The following CRX variants were observed in gnomAD, a reference collection of about 807,000 sequenced individuals.
The protein encoded by CRX is cone-rod homeobox protein.
In CRX, 5 loss-of-function variants were observed where a neutral mutation model predicts 13.1. The observed-to-expected ratio is 0.38, with a 90% CI of 0.20 to 0.80. The LOEUF (loss-of-function observed/expected upper bound fraction) is 0.80, where lower values mean the gene tolerates loss of function less well. Among genes scored for constraint, CRX ranks in the 30% least tolerant of loss-of-function variants. The probability of loss-of-function intolerance (pLI) is 0.43; values close to 1 mark genes in which losing one functional copy is unlikely to be tolerated. For missense variants in CRX, 351 were observed against 391.8 expected (o/e 0.90, Z 0.88); for synonymous variants, 179 against 171.1 (o/e 1.05, Z -0.36).
At chr19:47,824,572 C>A (rs935783692) in intron 1 of CRX, among the ~76,000 whole-genome samples, 1 of 152,118 alleles carries the variant, frequency 6.6e-6, no homozygotes, top group Admixed American at 6.6e-5. Context: ...GAAGCTGGGG[C>A]CCCCTGGAGG....
At chr19:47,835,083 C>T (rs567610049) in intron 2 of CRX, among the ~76,000 whole-genome samples, 68 of 152,262 alleles carry the variant, frequency 4.5e-4, no homozygotes, top group African/African-American at 1.5e-3. Context: ...CAGCCTCGAA[C>T]TCCTGGGCTC....
intron 1 of CRX, among the ~76,000 whole-genome samples, chr19:47,828,187 A>G (rs1216251920): frequency 6.6e-6 from 1 of 151,722 alleles, no homozygotes. Context: ...CTTGTTTGTT[A>G]TTGGTTTCTC....
chr19:47,823,598 G>A (rs1967938266), intron 1 of CRX, among the ~76,000 whole-genome samples: 1 of 152,030 alleles, frequency 6.6e-6, no homozygotes, highest in Admixed American at 6.6e-5. Context: ...CCTGAATGTG[G>A]CTGAGCTGGG....
intron 2 of CRX, 29 bp downstream of exon 2, chr19:47,834,572 C>G: frequency 6.3e-7 from 1 of 1,589,080 alleles, no homozygotes. Context: ...CTTGGCACCC[C>G]AGGCTGGCCT....
At position 47,834,435 on chromosome 19, in the gene CRX, C is replaced by T; in HGVS notation, c.-9C>T. The T allele has an allele frequency of 3.1e-6, 5 of 1,611,980 alleles. No individual in the cohort carries two copies. The South Asian group carries it at 5.5e-5, about 18-fold the overall frequency. On this transcript the variant is annotated 5_prime_UTR_variant, in exon 2 of 4. Transcript: ENST00000221996. Reference sequence around the variant, plus strand: ...CCCCCTGACTTGGGCCTCAGTGTCCCCGAAGATCATGATGGCGTATATGAA... The same window carrying T: ...CCCCCTGACTTGGGCCTCAGTGTCCTCGAAGATCATGATGGCGTATATGAA...
At chr19:47,828,727 G>T (rs1339922672) in intron 1 of CRX, among the ~76,000 whole-genome samples, 3 of 151,610 alleles carry the variant, frequency 2.0e-5, no homozygotes, top group Non-Finnish European at 4.4e-5. Context: ...GGGCTTTGGG[G>T]TGGGGGAGAG....
intron 2 of CRX, 56 bp downstream of exon 2, chr19:47,834,599 T>C: frequency 7.0e-7 from 1 of 1,436,368 alleles, no homozygotes; most frequent in Non-Finnish European, 9.7e-7. Context: ...TTGGAGGACC[T>C]CTGGGGTCCC....
At chr19:47,837,465 C>G (rs1968131313) in intron 3 of CRX, among the ~76,000 whole-genome samples, 3 of 152,096 alleles carry the variant, frequency 2.0e-5, no homozygotes, top group Admixed American at 1.3e-4. Flanking sequence ...CCGCGCCCGG[C>G]CGGATGGGTG....
At position 47,839,673 on chromosome 19, in the gene CRX, C is replaced by T. The variant is rs764877352; in HGVS notation, c.606C>T (p.Cys202=). 46 of 1,613,680 alleles carry T rather than the reference C, an allele frequency of 2.9e-5. No individual in the cohort carries two copies. The highest frequency in any genetic ancestry group is 3.6e-5 in the Non-Finnish European group (42 of 1,180,004). ...AMTYAPASAF[C]SSPSAYGSPS... Reference sequence around the variant, plus strand: ...CCTACGCCCCGGCCTCCGCTTTCTGCTCTTCCCCCTCCGCCTATGGGTCTC... The same window carrying T: ...CCTACGCCCCGGCCTCCGCTTTCTGTTCTTCCCCCTCCGCCTATGGGTCTC... The change falls in exon 4 of 4, where the codon TGC becomes TGT. Residue 202 remains cysteine, a synonymous_variant. Transcript: ENST00000221996. This position sits in a 1 kb window ranked among gnomAD's most constrained non-coding sequence, Gnocchi z 4.6.
Position 47,839,217 on chromosome 19 carries a change from C to T in CRX, c.253-103C>T. 1 of 1,282,434 alleles carries T rather than the reference C, an allele frequency of 7.8e-7. No individual in the cohort carries two copies. The allele number at this position is 1,282,434 out of a possible 1,614,324, so 79.4% of individuals were successfully genotyped here. A position where few individuals can be genotyped will look rare whatever the true frequency, so the allele number is the denominator to read the frequency against. On this transcript the variant is annotated intron_variant, in intron 3 of 3. Coordinates refer to ENST00000221996, the MANE Select transcript of CRX (RefSeq NM_000554.6). The surrounding 1 kb of genome is among the most constrained non-coding windows in gnomAD (Gnocchi z 4.6). ...TGGATGCAAAGTAGACAGATGTGAA[C>T]CCAGCACCTCTCACCAATAAGTGTC...
chr19:47,829,754 TG>T (rs1170520436), intron 1 of CRX, among the ~76,000 whole-genome samples: 6 of 151,520 alleles, frequency 4.0e-5, no homozygotes, highest in African/African-American at 1.5e-4. Flanking sequence ...CTCAGCCTCC[TG>T]AGTAGCTGAG....
chr19:47,823,929 C>T (rs1967943246), intron 1 of CRX, among the ~76,000 whole-genome samples: 1 of 152,148 alleles, frequency 6.6e-6, no homozygotes, highest in African/African-American at 2.4e-5. Context: ...GGATTACAGG[C>T]GTGAGCCACC....
At chr19:47,829,962 G>C (rs1263526040) in intron 1 of CRX, among the ~76,000 whole-genome samples, 1 of 151,004 alleles carries the variant, frequency 6.6e-6, no homozygotes, top group Non-Finnish European at 1.5e-5. Flanking sequence ...AATCACAAAT[G>C]GTTGCGAGGT....
chr19:47,833,700 AAC>A (rs1259784959), intron 1 of CRX, among the ~76,000 whole-genome samples: 1 of 152,162 alleles, frequency 6.6e-6, no homozygotes, highest in African/African-American at 2.4e-5. Flanking sequence ...CCTCTCCTCC[AAC>A]CTGGGCAAAG....
chr19:47,823,620 A>C (rs2123728352), intron 1 of CRX, among the ~76,000 whole-genome samples: 1 of 149,792 alleles, frequency 6.7e-6, no homozygotes, highest in South Asian at 2.1e-4. Flanking sequence ...GGGTCTTGCC[A>C]AGGGCTGGCA....
chr19:47,834,282 AG>A (rs1968089358), intron 1 of CRX, 126 bp from the exon 2 acceptor site: 6 of 684,166 alleles, frequency 8.8e-6, no homozygotes, highest in Non-Finnish European at 1.6e-5. Context: ...AGGTACAGAG[AG>A]GTGAGATAAA....
intron 1 of CRX, among the ~76,000 whole-genome samples, chr19:47,830,604 G>T (rs1268355618): frequency 1.3e-5 from 2 of 151,900 alleles, no homozygotes; most frequent in Non-Finnish European, 2.9e-5. Context: ...GACCAGCTTG[G>T]CTAACAATGG....
intron 1 of CRX, among the ~76,000 whole-genome samples, chr19:47,831,500 T>C (rs1485392950): frequency 1.3e-5 from 2 of 151,978 alleles, no homozygotes; most frequent in East Asian, 3.9e-4. Context: ...AACCCTATTG[T>C]GAACTGCACG....
At chr19:47,829,271 A>G (rs1363439074) in intron 1 of CRX, among the ~76,000 whole-genome samples, 2 of 151,950 alleles carry the variant, frequency 1.3e-5, no homozygotes, top group East Asian at 1.9e-4. Context: ...ATGCACCACC[A>G]TGCCTGGCTA....
Sources: gnomAD v4.1 joint callset for allele counts (sites outside exome capture counted in the v4.1 genomes callset) on GRCh38, gnomAD v4.1.1 for gene constraint, Gnocchi (gnomAD v3.1) non-coding constraint, MANE v1.5 for transcripts, NCBI Gene and HGNC (gene_info 2026-07-23, HGNC 2026-07-21) for gene names.